HECTD2: variants seen among roughly 807,000 people sequenced by gnomAD.
HECTD2 encodes probable E3 ubiquitin-protein ligase HECTD2.
A neutral mutation model predicts 103.2 loss-of-function variants in HECTD2; 35 were observed. The ratio of observed to expected loss-of-function variants is 0.34; its 90% confidence interval spans 0.26 to 0.45. HECTD2 has a LOEUF of 0.45. HECTD2 is among the 20% of genes least tolerant of loss of function. The pLI is 1.00. For missense variants in HECTD2, 596 were observed against 937.4 expected (o/e 0.64, Z 4.76); for synonymous variants, 281 against 329.9 (o/e 0.85, Z 1.61).
chr10:91,506,303 G>A (rs956271453), intron 20 of HECTD2, among the ~76,000 whole-genome samples: 151 of 12,802 alleles, frequency 0.012, no homozygotes, highest in African/African-American at 0.031. Flanking sequence ...TAGAGACACA[G>A]AAAACCCTTC....
chr10:91,488,495 G>A (rs1185626734), intron 11 of HECTD2: 1 of 152,082 alleles, frequency 6.6e-6, no homozygotes, highest in Non-Finnish European at 1.5e-5. Flanking sequence ...AAGTGCTTAT[G>A]TATTTCAAAC....
intron 5 of HECTD2, among the ~76,000 whole-genome samples, chr10:91,470,184 G>A (rs1260354527): frequency 6.6e-6 from 1 of 152,132 alleles, no homozygotes; most frequent in Non-Finnish European, 1.5e-5. Context: ...AAAGATACAT[G>A]GGACCTGAAC....
chr10:91,505,341 A>G (rs1024465932), intron 20 of HECTD2, among the ~76,000 whole-genome samples: 7 of 152,058 alleles, frequency 4.6e-5, no homozygotes, highest in African/African-American at 1.7e-4. Context: ...TTGGATAAAG[A>G]GTCAAGACCC....
intron 2 of HECTD2, among the ~76,000 whole-genome samples, chr10:91,456,142 T>C (rs1294708470): frequency 6.6e-6 from 1 of 152,202 alleles, no homozygotes; most frequent in African/African-American, 2.4e-5. Context: ...GGGGGTGGCA[T>C]TGAATCTATA....
At chr10:91,507,381 G>A (rs1430320565) in intron 20 of HECTD2, among the ~76,000 whole-genome samples, 1 of 151,514 alleles carries the variant, frequency 6.6e-6, no homozygotes, top group African/African-American at 2.4e-5. Flanking sequence ...AAACCCCATT[G>A]TCTCAGCCCA....
intron 3 of HECTD2, among the ~76,000 whole-genome samples, chr10:91,460,880 T>G (rs933619669): frequency 3.3e-5 from 5 of 152,148 alleles, no homozygotes; most frequent in African/African-American, 1.2e-4. Flanking sequence ...TCATTTATGA[T>G]GTGACACATA....
chr10:91,502,570 TC>T (rs1476500176), intron 20 of HECTD2, among the ~76,000 whole-genome samples: 1 of 151,716 alleles, frequency 6.6e-6, no homozygotes, highest in Admixed American at 6.6e-5. Context: ...AGTATTTATG[TC>T]ATCATCAAGA....
At chr10:91,435,056 A>G (rs1241179460) in intron 2 of HECTD2, among the ~76,000 whole-genome samples, 1 of 151,960 alleles carries the variant, frequency 6.6e-6, no homozygotes, top group Non-Finnish European at 1.5e-5. Flanking sequence ...AAAATCCAAA[A>G]TGTGTTATAC....
intron 2 of HECTD2, among the ~76,000 whole-genome samples, chr10:91,432,533 GTTAGCAC>G (rs1344256610): frequency 6.6e-6 from 1 of 151,874 alleles, no homozygotes; most frequent in Non-Finnish European, 1.5e-5. Flanking sequence ...AGGAGAGGAG[GTTAGCAC>G]TACATCCTCC....
chr10:91,415,858 T>G (rs1166883169), intron 1 of HECTD2, among the ~76,000 whole-genome samples: 3 of 152,224 alleles, frequency 2.0e-5, no homozygotes, highest in African/African-American at 7.2e-5. Context: ...AATAGATCAT[T>G]AAATTATATG....
At chr10:91,490,820 G>A (rs1186490071) in intron 11 of HECTD2, among the ~76,000 whole-genome samples, 1 of 148,330 alleles carries the variant, frequency 6.7e-6, no homozygotes, top group Non-Finnish European at 1.5e-5. Flanking sequence ...GAACCCAAGA[G>A]GCGGAGCTTG....
rs146212536 is a variant in HECTD2, at chr10:91,415,266, A to G, written c.138+4690A>G. Among the ~76,000 whole-genome samples the G allele has an allele frequency of 3.4e-3, 506 of 150,852 alleles. 2 individuals are homozygous for G. Among genetic ancestry groups the G allele is most frequent in the African/African-American group, 0.012 (476 of 40,600 alleles). On this transcript the variant is annotated intron_variant, in intron 1 of 20. Transcript: ENST00000298068. ...CAATATGCCCAGCTAGGTATTTGGAACAATCTTGTATGAAAAATGTTGTGC... is the reference window on the plus strand; with the variant it reads ...CAATATGCCCAGCTAGGTATTTGGAGCAATCTTGTATGAAAAATGTTGTGC...
At chr10:91,410,320 A>G (rs1045873644), upstream of HECTD2, 86 of 429,902 alleles carry the variant, frequency 2.0e-4, no homozygotes, top group Non-Finnish European at 2.5e-4. Context: ...TGGCGGCGGC[A>G]GCGGCGGCTA....
At chr10:91,458,030 A>G (rs1845184308) in intron 2 of HECTD2, among the ~76,000 whole-genome samples, 1 of 148,804 alleles carries the variant, frequency 6.7e-6, no homozygotes, top group Admixed American at 6.6e-5. Flanking sequence ...TGCAAAAAAA[A>G]AAAAAAACCC....
intron 11 of HECTD2, chr10:91,489,654 G>GA (rs1310403617): frequency 6.6e-6 from 1 of 152,080 alleles, no homozygotes; most frequent in East Asian, 1.9e-4. Flanking sequence ...GAAAAGGTAG[G>GA]AAAAAACGGT....
chr10:91,492,051 T>C (rs888542288), intron 12 of HECTD2, among the ~76,000 whole-genome samples: 2 of 152,008 alleles, frequency 1.3e-5, no homozygotes, highest in Non-Finnish European at 2.9e-5. Flanking sequence ...GAAGGGGAGT[T>C]TTTTTTAAAA....
chr10:91,451,817 G>C (rs1844842232), intron 2 of HECTD2, among the ~76,000 whole-genome samples: 1 of 152,118 alleles, frequency 6.6e-6, no homozygotes, highest in East Asian at 1.9e-4. Flanking sequence ...GACCTTATTA[G>C]CTATGTTACT....
At chr10:91,491,711 G>A (rs7900774) in intron 12 of HECTD2, among the ~76,000 whole-genome samples, 28,659 of 152,028 alleles carry the variant, frequency 0.19, 3,069 homozygotes, top group South Asian at 0.26. Context: ...CTGACCTACA[G>A]GGTATATTGG....
rs776810107 is a variant in HECTD2 at position 91,491,320 on chromosome 10, C to A, written c.1299+13C>A. ...TTCACTTGATGAGGTATAATTTATT[C>A]CAAAATGATATTAATTAAAGCTTAA... On this transcript the variant is annotated intron_variant, in intron 12 of 20. Coordinates refer to ENST00000298068, the MANE Select transcript of HECTD2 (RefSeq NM_182765.6). 5.9e-5 allele frequency: 69 copies of A among 1,170,428 alleles called. 1 individual carries two copies. In the East Asian group the frequency reaches 1.7e-3, roughly 29 times the overall value. The allele number at this position is 1,170,428 out of a possible 1,614,324, so 72.5% of individuals were successfully genotyped here.
Sources: gnomAD v4.1 joint callset for allele counts (sites outside exome capture counted in the v4.1 genomes callset) on GRCh38, gnomAD v4.1.1 for gene constraint, MANE v1.5 for transcripts, NCBI Gene and HGNC (gene_info 2026-07-23, HGNC 2026-07-21) for gene names.